SPATA17: variants seen among roughly 807,000 people sequenced by gnomAD.
The protein encoded by SPATA17 is spermatogenesis associated 17.
A neutral mutation model predicts 62.2 loss-of-function variants in SPATA17; 53 were observed. The ratio of observed to expected loss-of-function variants is 0.85; its 90% CI spans 0.68 to 1.07. SPATA17 has a LOEUF of 1.07. Ranked by LOEUF, SPATA17 falls within the 50% of genes least tolerant of loss-of-function variation. The pLI is 0.00. For synonymous variants in SPATA17, 146 were observed against 146.8 expected, an observed-to-expected ratio of 0.99 and a Z score of 0.04; for missense variants, 466 against 425.5, an observed-to-expected ratio of 1.10 and a Z score of -0.84.
chr1:217,720,857 T>A (rs1199601454), intron 5 of SPATA17, among the ~76,000 whole-genome samples: 2 of 152,150 alleles, frequency 1.3e-5, no homozygotes, highest in Non-Finnish European at 2.9e-5. Flanking sequence ...AGATTCACAC[T>A]CCAGCGGAGA....
At chr1:217,836,440 G>A (rs1675261070) in intron 9 of SPATA17, among the ~76,000 whole-genome samples, 1 of 152,116 alleles carries the variant, frequency 6.6e-6, no homozygotes, top group Non-Finnish European at 1.5e-5. Context: ...ACGGACAAAA[G>A]CTGTGAGTTG....
intron 6 of SPATA17, among the ~76,000 whole-genome samples, chr1:217,765,967 T>C (rs1464919913): frequency 6.6e-6 from 1 of 152,034 alleles, no homozygotes; most frequent in Non-Finnish European, 1.5e-5. Context: ...CTGAAATTAA[T>C]ATAGCTACTC....
At chr1:217,849,334 A>T (rs1675594009) in intron 9 of SPATA17, among the ~76,000 whole-genome samples, 1 of 152,130 alleles carries the variant, frequency 6.6e-6, no homozygotes, top group Non-Finnish European at 1.5e-5. Flanking sequence ...AGTGTTTCCA[A>T]CAAAATAGCA....
intron 5 of SPATA17, among the ~76,000 whole-genome samples, chr1:217,735,507 G>A (rs951927639): frequency 6.6e-6 from 1 of 152,134 alleles, no homozygotes. Context: ...GTGAATTTGG[G>A]GGAACTCGAA....
intron 3 of SPATA17, among the ~76,000 whole-genome samples, chr1:217,657,875 T>C (rs1670477466): frequency 6.6e-6 from 1 of 152,134 alleles, no homozygotes; most frequent in African/African-American, 2.4e-5. Flanking sequence ...GGACTCACAG[T>C]TCCACATGGT....
intron 8 of SPATA17, among the ~76,000 whole-genome samples, chr1:217,789,899 T>C (rs1216104974): frequency 1.3e-5 from 2 of 152,002 alleles, no homozygotes; most frequent in Non-Finnish European, 2.9e-5. Flanking sequence ...TAGCCAAGTG[T>C]GGTGGTGGGC....
chr1:217,786,817 T>TTCTTCTTCTTCTTC (rs1553252174), intron 8 of SPATA17, among the ~76,000 whole-genome samples: 1 of 149,724 alleles, frequency 6.7e-6, no homozygotes, highest in African/African-American at 2.5e-5. Context: ...CTTCTTCCTC[T>TTCTTCTTCTTCTTC]GTATAATCTT....
intron 4 of SPATA17, among the ~76,000 whole-genome samples, chr1:217,672,573 G>A (rs1670855868): frequency 6.6e-6 from 1 of 152,156 alleles, no homozygotes; most frequent in African/African-American, 2.4e-5. Context: ...TGAAATGGCA[G>A]GAGTTTTACA....
Position 217,654,216 on chromosome 1 carries a change from C to T in SPATA17, c.240+3038C>T, listed in dbSNP as rs111325122. On this transcript the variant is annotated intron_variant, in intron 3 of 10. Transcript: ENST00000366933. ...GCACTGGTGTGATCTTGGCTCACTGCAACCTCTGCCTCCCTGATTCAAACG... is the reference window on the plus strand; with the variant it reads ...GCACTGGTGTGATCTTGGCTCACTGTAACCTCTGCCTCCCTGATTCAAACG... 8.1e-3 allele frequency among the ~76,000 whole-genome samples: 1,229 copies of T among 151,742 alleles called. 15 individuals carry two copies. The highest frequency in any genetic ancestry group is 0.022 in the African/African-American group (921 of 41,364).
At chr1:217,653,612 C>G (rs1048987759) in intron 3 of SPATA17, among the ~76,000 whole-genome samples, 1 of 139,690 alleles carries the variant, frequency 7.2e-6, no homozygotes, top group Non-Finnish European at 1.5e-5. Flanking sequence ...GTTGTAGAAA[C>G]AATCGTTTTA....
chr1:217,793,463 G>A (rs915642223), intron 8 of SPATA17, among the ~76,000 whole-genome samples: 57 of 151,978 alleles, frequency 3.8e-4, no homozygotes, highest in African/African-American at 5.8e-4. Context: ...CTCGTGATCC[G>A]CCCGCCTCGG....
At chr1:217,765,971 G>A (rs1421189872) in intron 6 of SPATA17, among the ~76,000 whole-genome samples, 1 of 151,706 alleles carries the variant, frequency 6.6e-6, no homozygotes, top group African/African-American at 2.4e-5. Context: ...AATTAATATA[G>A]CTACTCCTGG....
intron 5 of SPATA17, among the ~76,000 whole-genome samples, chr1:217,687,851 A>T (rs1426359650): frequency 6.6e-6 from 1 of 152,174 alleles, no homozygotes; most frequent in African/African-American, 2.4e-5. Flanking sequence ...AAGTTTTTGT[A>T]TTTTAATTGA....
chr1:217,776,513 C>T (rs1233301786), intron 7 of SPATA17, among the ~76,000 whole-genome samples: 2 of 151,990 alleles, frequency 1.3e-5, no homozygotes, highest in Non-Finnish European at 2.9e-5. Flanking sequence ...GTGAGTTCCT[C>T]TTACTCAAGT....
chr1:217,663,949 C>A (rs1047834122), intron 3 of SPATA17, among the ~76,000 whole-genome samples: 1 of 151,616 alleles, frequency 6.6e-6, no homozygotes, highest in African/African-American at 2.4e-5. Flanking sequence ...TGAAAATATG[C>A]GAAGAAGGAT....
At chr1:217,804,775 G>A (rs1025019725) in intron 9 of SPATA17, among the ~76,000 whole-genome samples, 1 of 152,126 alleles carries the variant, frequency 6.6e-6, no homozygotes, top group Non-Finnish European at 1.5e-5. Flanking sequence ...TGGCCAACAA[G>A]TATATGAGAA....
intron 6 of SPATA17, among the ~76,000 whole-genome samples, chr1:217,773,190 A>C (rs575320266): frequency 1.3e-5 from 2 of 152,290 alleles, no homozygotes; most frequent in African/African-American, 4.8e-5. Context: ...GAAGACAGCT[A>C]TCTTAGTTAA....
At chr1:217,682,308 G>A (rs1377066710) in intron 4 of SPATA17, among the ~76,000 whole-genome samples, 1 of 150,524 alleles carries the variant, frequency 6.6e-6, no homozygotes, top group African/African-American at 2.4e-5. Flanking sequence ...GGTTGTATAA[G>A]ATATCTAGAA....
intron 8 of SPATA17, among the ~76,000 whole-genome samples, chr1:217,791,670 T>C (rs1279138890): frequency 2.0e-5 from 3 of 152,240 alleles, no homozygotes; most frequent in African/African-American, 7.2e-5. Context: ...GTACTTTTAG[T>C]ATATATCATC....
Sources: gnomAD v4.1 joint callset for allele counts (sites outside exome capture counted in the v4.1 genomes callset) on GRCh38, gnomAD v4.1.1 for gene constraint, MANE v1.5 for transcripts, NCBI Gene and HGNC (gene_info 2026-07-23, HGNC 2026-07-21) for gene names.